The following PTPN23 variants were observed in gnomAD, a reference collection of about 807,000 sequenced individuals.
PTPN23 encodes the protein protein tyrosine phosphatase non-receptor type 23.
Under a neutral mutation model 156.3 loss-of-function variants are expected in PTPN23, and 72 were observed. The ratio of observed to expected loss-of-function variants is 0.46; its 90% confidence interval spans 0.38 to 0.56. The LOEUF is 0.56. Ranked by LOEUF, PTPN23 falls within the 20% of genes least tolerant of loss-of-function variation. The probability of loss-of-function intolerance (pLI) is 0.00; values close to 1 mark genes in which losing one functional copy is unlikely to be tolerated. For synonymous variants in PTPN23, 957 were observed against 899.6 expected (o/e 1.06, Z -1.14); for missense variants, 1,974 against 2,171.5 (o/e 0.91, Z 1.81).
Position 47,408,054 on chromosome 3 carries a change from C to T in PTPN23, c.1184+99C>T, listed in dbSNP as rs1576227136. On this transcript the variant is annotated intron_variant, in intron 14 of 24. Transcript: ENST00000265562. ...TATGCTGGGAGAGGAATGAAATGTC[C>T]ATTCCAAACAGGTTTCCCAATGCTG... 11 of 1,390,490 alleles carry T rather than the reference C, an allele frequency of 7.9e-6. No homozygotes were observed. The South Asian group carries it at 1.1e-4, about 14-fold the overall frequency. The allele number at this position is 1,390,490 out of a possible 1,614,324, so 86.1% of individuals were successfully genotyped here. A position where few individuals can be genotyped will look rare whatever the true frequency, so the allele number is the denominator to read the frequency against.
rs1169248573 is a variant in PTPN23, at chr3:47,407,885, T to C, written c.1119-5T>C. ...TCTTCAGCAAATGCTCTGTCGCTTC[T>C]GCAGTGAGGAGAAGGCCAAGCTGCT... On this transcript the variant is annotated splice_region_variant and splice_polypyrimidine_tract_variant and intron_variant, in intron 13 of 24. Coordinates refer to ENST00000265562, the MANE Select transcript of PTPN23 (RefSeq NM_015466.4). This position sits in a 1 kb window ranked among gnomAD's most constrained non-coding sequence, Gnocchi z 4.0. The C allele has an allele frequency of 6.2e-7, 1 of 1,614,172 alleles. No individual in the cohort carries two copies. Among genetic ancestry groups the C allele is most frequent in the Non-Finnish European group, 8.5e-7 (1 of 1,180,026 alleles).
chr3:47,410,786 C>T lies in PTPN23; in HGVS notation c.2988C>T (p.Ser996=). Residue 996 remains serine, a synonymous_variant, in exon 20 of 25, where the codon TCC becomes TCT. Coordinates refer to ENST00000265562, the MANE Select transcript of PTPN23 (RefSeq NM_015466.4). ...CCCCAGGACTCCTACCCCCACAATCCCCCTACCCCTATGCCCCTCAGCCTG... is the reference window on the plus strand; with the variant it reads ...CCCCAGGACTCCTACCCCCACAATCTCCCTACCCCTATGCCCCTCAGCCTG... ...PQAPGLLPPQ[S]PYPYAPQPGV... is the part of the protein sequence containing the mutation. 6.3e-7 allele frequency: 1 copy of T among 1,574,814 alleles called. No individual in the cohort carries two copies.
At chr3:47,381,278 G>C (rs1249369391) in intron 1 of PTPN23, 98 bp downstream of exon 1, 1 of 1,488,660 alleles carries the variant, frequency 6.7e-7, no homozygotes, top group Non-Finnish European at 9.1e-7. Flanking sequence ...CCTCAGGCCC[G>C]GTCGCAGGGT....
At position 47,411,692 on chromosome 3, in the gene PTPN23, AAG is replaced by A; in HGVS notation, c.3888+9_3888+10del. ...CTGAGGCTGAGATGGAGAAGGTGAG[AAG>A]AGGGGGTGGGTGCCCACGAGGGCAG... On this transcript the variant is annotated splice_region_variant and intron_variant, in intron 20 of 24. Coordinates refer to ENST00000265562, the MANE Select transcript of PTPN23 (RefSeq NM_015466.4). This position sits in a 1 kb window ranked among gnomAD's most constrained non-coding sequence, Gnocchi z 6.3. 6.2e-7 allele frequency: 1 copy of A among 1,600,310 alleles called. No individual in the cohort carries two copies. Among genetic ancestry groups the A allele is most frequent in the South Asian group, 1.1e-5 (1 of 90,368 alleles).
Position 47,407,005 on chromosome 3 carries a change from G to C in PTPN23, c.808-125G>C. 1 of 1,297,220 alleles carries C rather than the reference G, an allele frequency of 7.7e-7. No homozygotes were observed. Among genetic ancestry groups the C allele is most frequent in the Non-Finnish European group, 1.1e-6 (1 of 922,882 alleles). The allele number at this position is 1,297,220 out of a possible 1,614,324, so 80.4% of individuals were successfully genotyped here. ...GCGCCACCTTGCTGCTGTTGGCTGG[G>C]GTGGTGCCCGGCTGCCTCCTGAGCT... On this transcript the variant is annotated intron_variant, in intron 9 of 24. Transcript: ENST00000265562. The surrounding 1 kb of genome is among the most constrained non-coding windows in gnomAD (Gnocchi z 4.0).
chr3:47,403,234 A>G (rs1025968221), intron 2 of PTPN23, among the ~76,000 whole-genome samples: 17 of 151,356 alleles, frequency 1.1e-4, no homozygotes. Context: ...TTGTATTTTT[A>G]GTAGAGACGG....
At chr3:47,382,684 T>TC (rs1485557069) in intron 1 of PTPN23, among the ~76,000 whole-genome samples, 10 of 92,258 alleles carry the variant, frequency 1.1e-4, no homozygotes, top group Non-Finnish European at 2.4e-4. Flanking sequence ...TCTTTTCTTT[T>TC]TTTTTTTTTT....
chr3:47,409,273 G>T lies in PTPN23; in HGVS notation c.1753G>T (p.Asp585Tyr). ...QQLRELIQKD[D>Y]ITASLVTTDH... ...GCTGCGTGAGCTTATCCAGAAAGAT[G>T]ACATCACTGCCTCGCTGGTCACCAC... The change falls in exon 17 of 25, where the codon GAC becomes TAC. Residue 585 changes from aspartate to tyrosine, a missense_variant. Around this residue, in one of 4 missense-constraint regions of PTPN23, gnomAD observed 726 missense variants for 929.5 expected, o/e 0.78. Coordinates refer to ENST00000265562, the MANE Select transcript of PTPN23 (RefSeq NM_015466.4). 6.2e-7 allele frequency: 1 copy of T among 1,614,134 alleles called. No individual in the cohort carries two copies. Among genetic ancestry groups the T allele is most frequent in the East Asian group, 2.2e-5 (1 of 44,886 alleles).
chr3:47,391,966 A>C (rs1196063541), intron 1 of PTPN23, among the ~76,000 whole-genome samples: 4 of 152,142 alleles, frequency 2.6e-5, no homozygotes, highest in Non-Finnish European at 4.4e-5. Flanking sequence ...GTTCACTGCA[A>C]CCTTGAACTC....
intron 2 of PTPN23, among the ~76,000 whole-genome samples, chr3:47,403,679 C>T (rs1277628226): frequency 6.6e-6 from 1 of 152,114 alleles, no homozygotes; most frequent in Non-Finnish European, 1.5e-5. Context: ...AAGGCACCAT[C>T]ACGCCTAGAT....
chr3:47,393,583 T>C (rs550185507), intron 1 of PTPN23, among the ~76,000 whole-genome samples: 1 of 152,210 alleles, frequency 6.6e-6, no homozygotes. Flanking sequence ...TCTCAGCATG[T>C]GTTTCCTAAG....
chr3:47,408,251 A>G, intron 14 of PTPN23, 94 bp from the exon 15 acceptor site: 1 of 1,524,038 alleles, frequency 6.6e-7, no homozygotes, highest in Non-Finnish European at 8.9e-7. Context: ...CTGAGACCTC[A>G]GATTGAGTGG....
chr3:47,386,204 AC>A (rs570640208), intron 1 of PTPN23, among the ~76,000 whole-genome samples: 263 of 151,716 alleles, frequency 1.7e-3, no homozygotes, highest in African/African-American at 6.2e-3. Context: ...TCGCTCTGTC[AC>A]CCAGGCTGGG....
intron 1 of PTPN23, among the ~76,000 whole-genome samples, chr3:47,393,784 A>T (rs1704823046): frequency 6.6e-6 from 1 of 151,094 alleles, no homozygotes; most frequent in Non-Finnish European, 1.5e-5. Flanking sequence ...TATTATTATT[A>T]TTTTTGGAAA....
Position 47,406,325 on chromosome 3 carries a change from G to A in PTPN23, c.547G>A (p.Gly183Ser), listed in dbSNP as rs1004295474. ...GAGTGCACCTCACGTGTCGCCCCAG[G>A]GCCAGGCTCAGGAGTGCCTCCTGGA... is the stretch of plus-strand genomic sequence containing the variant. ...ILTLNVNLML[G>S]QAQECLLEKS... The change falls in exon 7 of 25, where the codon GGC (glycine) becomes AGC (serine). Residue 183 changes from glycine (G) to serine (S), a missense_variant and splice_region_variant. Physicochemically the swap from Gly to Ser is moderately conservative, Grantham distance 56 (BLOSUM62 0). This residue lies in a region of PTPN23 where 726 missense variants were observed against 929.5 expected (regional missense o/e 0.78). Transcript: ENST00000265562. This position sits in a 1 kb window ranked among gnomAD's most constrained non-coding sequence, Gnocchi z 5.8. 24 of 1,613,478 alleles carry A rather than the reference G, an allele frequency of 1.5e-5. No homozygotes were observed. Among genetic ancestry groups the A allele is most frequent in the Non-Finnish European group, 1.9e-5 (22 of 1,180,012 alleles).
At chr3:47,384,788 G>A (rs1423109921) in intron 1 of PTPN23, among the ~76,000 whole-genome samples, 1 of 151,232 alleles carries the variant, frequency 6.6e-6, no homozygotes, top group Non-Finnish European at 1.5e-5. Context: ...TTTAGATGGA[G>A]TTTTGCTTTC....
At position 47,411,448 on chromosome 3, in the gene PTPN23, A is replaced by T. The variant is rs1433755659; in HGVS notation, c.3650A>T (p.Tyr1217Phe). 6.2e-7 allele frequency: 1 copy of T among 1,613,106 alleles called. No individual in the cohort carries two copies. Among genetic ancestry groups the T allele is most frequent in the South Asian group, 1.1e-5 (1 of 91,082 alleles). Reference protein sequence around the residue: ...RGRSIAIARCYSLKNRHQDVM... With the variant: ...RGRSIAIARCFSLKNRHQDVM... ...CGTTCCATCGCCATTGCCCGCTGCT[A>T]CTCACTGAAGAACCGGCACCAGGAT... The change falls in exon 20 of 25, where the codon TAC (tyrosine) becomes TTC (phenylalanine). Residue 1217 changes from tyrosine (Y) to phenylalanine (F), a missense_variant. Transcript: ENST00000265562. The surrounding 1 kb of genome is among the most constrained non-coding windows in gnomAD (Gnocchi z 6.3).
rs1705130071 is a variant in PTPN23, at chr3:47,406,600, A to C, written c.747A>C (p.Ala249=). The C allele has an allele frequency of 6.2e-7, 1 of 1,613,858 alleles. No homozygotes were observed. The highest frequency in any genetic ancestry group is 8.5e-7 in the Non-Finnish European group (1 of 1,179,992). ...TGCAGATGAAGATCTACTACTTCGC[A>C]GCCGTGGCTCATGTGAGGGCCTGGG... The part of the protein sequence containing the change: ...KLVQMKIYYF[A]AVAHLHMGKQ... The change falls in exon 8 of 25, where the codon GCA becomes GCC. Residue 249 remains alanine, a synonymous_variant. Coordinates refer to ENST00000265562, the MANE Select transcript of PTPN23 (RefSeq NM_015466.4). This position sits in a 1 kb window ranked among gnomAD's most constrained non-coding sequence, Gnocchi z 5.8.
intron 1 of PTPN23, among the ~76,000 whole-genome samples, chr3:47,394,096 C>T (rs1309497821): frequency 6.6e-6 from 1 of 152,020 alleles, no homozygotes; most frequent in East Asian, 1.9e-4. Flanking sequence ...CCTCCTTTTA[C>T]ATGACATTAA....
Sources: allele counts gnomAD v4.1 joint callset (sites outside exome capture counted in the v4.1 genomes callset), GRCh38; gene constraint gnomAD v4.1.1; regional missense constraint gnomAD v4.1.1; non-coding constraint Gnocchi (gnomAD v3.1); transcripts MANE v1.5; gene names NCBI Gene and HGNC (gene_info 2026-07-23, HGNC 2026-07-21).